Variants in RPS6KC1 observed in about 807,000 individuals in gnomAD.
RPS6KC1 encodes the protein ribosomal protein S6 kinase C1.
In RPS6KC1, 54 loss-of-function variants were observed where a neutral mutation model predicts 103.8. The observed-to-expected ratio is 0.52, with a 90% CI of 0.42 to 0.65. RPS6KC1 has a LOEUF of 0.65. Ranked by LOEUF, RPS6KC1 falls within the 30% of genes least tolerant of loss-of-function variation. The pLI is 0.00. For synonymous variants in RPS6KC1, 439 were observed against 438.7 expected (o/e 1.00, Z -0.01); for missense variants, 1,151 against 1,253.8 (o/e 0.92, Z 1.24).
the RPS6KC1 span, among the ~76,000 whole-genome samples, chr1:213,427,047 A>G: frequency 1.3e-5 from 2 of 152,194 alleles, no homozygotes; most frequent in African/African-American, 2.4e-5. Context: ...TAAATGCTCC[A>G]TCATGTTGGC....
the RPS6KC1 span, among the ~76,000 whole-genome samples, chr1:213,565,842 C>G: frequency 6.6e-6 from 1 of 151,754 alleles, no homozygotes; most frequent in Non-Finnish European, 1.5e-5. Flanking sequence ...GCCTGTAATC[C>G]CAGCTATTCA....
chr1:213,659,519 A>G, the RPS6KC1 span, among the ~76,000 whole-genome samples: 1 of 152,162 alleles, frequency 6.6e-6, no homozygotes, highest in East Asian at 1.9e-4. Context: ...GAAAATGGTC[A>G]TCATCACGTA....
At chr1:213,558,299 A>G in the RPS6KC1 span, among the ~76,000 whole-genome samples, 5 of 152,348 alleles carry the variant, frequency 3.3e-5, no homozygotes, top group African/African-American at 1.2e-4. Context: ...CTTGCCAACC[A>G]CAAACCCCTG....
At chr1:213,841,406 A>T in the RPS6KC1 span, 1 of 152,242 alleles carries the variant, frequency 6.6e-6, no homozygotes, top group African/African-American at 2.4e-5. Context: ...GAACAAGAGC[A>T]TCTAGGGACC....
the RPS6KC1 span, among the ~76,000 whole-genome samples, chr1:213,553,735 A>C: frequency 1.3e-5 from 2 of 152,132 alleles, no homozygotes; most frequent in South Asian, 4.1e-4. Flanking sequence ...AACTGGTGTG[A>C]GATACTATCT....
the RPS6KC1 span, among the ~76,000 whole-genome samples, chr1:213,698,166 C>T: frequency 4.6e-5 from 7 of 152,140 alleles, no homozygotes; most frequent in African/African-American, 4.8e-5. Context: ...GTAACTCCAT[C>T]GTACATTGAG....
At chr1:213,160,620 C>G (rs2090370762) in intron 6 of RPS6KC1, among the ~76,000 whole-genome samples, 1 of 152,016 alleles carries the variant, frequency 6.6e-6, no homozygotes, top group Non-Finnish European at 1.5e-5. Context: ...TGTTATCAGA[C>G]CTTATAATAG....
the RPS6KC1 span, among the ~76,000 whole-genome samples, chr1:213,790,271 C>T: frequency 6.6e-6 from 1 of 152,194 alleles, no homozygotes; most frequent in African/African-American, 2.4e-5. Flanking sequence ...TAAATATTTA[C>T]TTCAGCTTTT....
chr1:213,087,376 G>A (rs2080497153), intron 3 of RPS6KC1, among the ~76,000 whole-genome samples: 2 of 152,244 alleles, frequency 1.3e-5, no homozygotes, highest in Admixed American at 1.3e-4. Context: ...GGAAATTATT[G>A]CCTTTCAAGA....
chr1:213,582,592 C>T, the RPS6KC1 span, among the ~76,000 whole-genome samples: 4 of 152,094 alleles, frequency 2.6e-5, no homozygotes, highest in Admixed American at 6.5e-5. Flanking sequence ...ATATAATCAA[C>T]GGGGCTTCTC....
chr1:213,537,049 G>A, the RPS6KC1 span, among the ~76,000 whole-genome samples: 1 of 152,194 alleles, frequency 6.6e-6, no homozygotes, highest in Non-Finnish European at 1.5e-5. Flanking sequence ...GGACAGACAA[G>A]CTGCAACTGC....
chr1:213,753,626 C>G, the RPS6KC1 span, among the ~76,000 whole-genome samples: 7 of 152,274 alleles, frequency 4.6e-5, no homozygotes, highest in South Asian at 1.5e-3. Flanking sequence ...TTATGCAAAC[C>G]TTTCCAGGAC....
intron 3 of RPS6KC1, among the ~76,000 whole-genome samples, chr1:213,078,896 G>A (rs1461828776): frequency 6.6e-6 from 1 of 151,976 alleles, no homozygotes; most frequent in Non-Finnish European, 1.5e-5. Flanking sequence ...CCATCTCCTA[G>A]ATAGTATAAT....
the RPS6KC1 span, among the ~76,000 whole-genome samples, chr1:213,400,041 G>C: frequency 6.6e-6 from 1 of 152,176 alleles, no homozygotes; most frequent in Non-Finnish European, 1.5e-5. Context: ...AGATCAGCAG[G>C]CTCAGCTGAG....
the RPS6KC1 span, among the ~76,000 whole-genome samples, chr1:213,770,874 A>G: frequency 6.6e-6 from 1 of 152,244 alleles, no homozygotes; most frequent in African/African-American, 2.4e-5. Context: ...TCTGTCAACC[A>G]AGCATATCTA....
chr1:213,320,444 C>T, the RPS6KC1 span, among the ~76,000 whole-genome samples: 10 of 152,312 alleles, frequency 6.6e-5, no homozygotes, highest in African/African-American at 2.4e-4. Context: ...ACATATCAGG[C>T]ACCTGGTAAT....
At chr1:213,602,132 T>TTCTTTC in the RPS6KC1 span, among the ~76,000 whole-genome samples, 1 of 66,058 alleles carries the variant, frequency 1.5e-5, no homozygotes, top group Non-Finnish European at 2.9e-5. Flanking sequence ...CTTTCTTTCT[T>TTCTTTC]TCTTTCTTTC....
chr1:213,131,219 T>A (rs956184657), intron 6 of RPS6KC1, among the ~76,000 whole-genome samples: 1 of 152,196 alleles, frequency 6.6e-6, no homozygotes, highest in African/African-American at 2.4e-5. Flanking sequence ...TCATTAGTTA[T>A]TGTCTTACTA....
the RPS6KC1 span, among the ~76,000 whole-genome samples, chr1:213,673,858 T>G: frequency 6.6e-6 from 1 of 152,180 alleles, no homozygotes; most frequent in African/African-American, 2.4e-5. Context: ...TCTTTTTGAT[T>G]CAGGGGGTAC....
Sources: gnomAD v4.1 joint callset for allele counts (sites outside exome capture counted in the v4.1 genomes callset) on GRCh38, gnomAD v4.1.1 for gene constraint, MANE v1.5 for transcripts, NCBI Gene and HGNC (gene_info 2026-07-23, HGNC 2026-07-21) for gene names.